The following TENM2 variants were observed in gnomAD, a reference collection of about 807,000 sequenced individuals.
TENM2 encodes the protein teneurin-2.
TENM2 carries 52 observed loss-of-function variants against 245.2 expected under a neutral mutation model. The observed-to-expected ratio is 0.21, with a 90% confidence interval of 0.17 to 0.27. The LOEUF is 0.27. TENM2 is among the 10% of genes least tolerant of loss of function. TENM2 has a pLI of 1.00. For missense variants in TENM2, 3,046 were observed against 3,666.8 expected (o/e 0.83, Z 4.37); for synonymous variants, 1,363 against 1,438.9 (o/e 0.95, Z 1.19).
chr5:167,516,369 A>C (rs1770379163), intron 2 of TENM2, among the ~76,000 whole-genome samples: 1 of 152,184 alleles, frequency 6.6e-6, no homozygotes, highest in South Asian at 2.1e-4. Flanking sequence ...TAGGTTTCAC[A>C]GAAGGTTTCT....
At chr5:167,955,225 G>T (rs1432099486) in intron 4 of TENM2, among the ~76,000 whole-genome samples, 1 of 152,136 alleles carries the variant, frequency 6.6e-6, no homozygotes, top group Non-Finnish European at 1.5e-5. Context: ...CAGTGATAAT[G>T]AGCTTTTTTT....
Position 167,532,826 on chromosome 5 carries a change from G to GTATATATATATA in TENM2, c.502+157361_502+157372dup, listed in dbSNP as rs148505748. ...TATTTGTGTGTATGTGTGTGTGTGT[G>GTATATATATATA]TATATATATATATATATATGCTATC... is the stretch of plus-strand genomic sequence containing the variant. On this transcript the variant is annotated intron_variant, in intron 2 of 28. Coordinates refer to ENST00000518659, the Ensembl canonical transcript of TENM2. 9.8e-3 allele frequency among the ~76,000 whole-genome samples: 1,417 copies of GTATATATATATA among 144,482 alleles called. 25 individuals carry two copies. Among genetic ancestry groups the GTATATATATATA allele is most frequent in the African/African-American group, 0.03 (1,169 of 38,596 alleles). The allele number at this position is 144,482 out of a possible 152,430, so 94.8% of individuals were successfully genotyped here. A position where few individuals can be genotyped will look rare whatever the true frequency, so the allele number is the denominator to read the frequency against.
chr5:167,169,276 C>T, the TENM2 span, among the ~76,000 whole-genome samples: 14 of 152,146 alleles, frequency 9.2e-5, no homozygotes, highest in South Asian at 1.9e-3. Flanking sequence ...TGGATGTTTT[C>T]GTTGTCTCAT....
intron 2 of TENM2, among the ~76,000 whole-genome samples, chr5:167,641,167 T>C (rs1231906081): frequency 6.6e-6 from 1 of 151,882 alleles, no homozygotes; most frequent in Admixed American, 6.6e-5. Flanking sequence ...CCTTACTGTG[T>C]CCATGCATGT....
chr5:167,861,862 C>T (rs939647776), intron 2 of TENM2, among the ~76,000 whole-genome samples: 1 of 152,240 alleles, frequency 6.6e-6, no homozygotes, highest in Non-Finnish European at 1.5e-5. Context: ...ACAGGGCTTA[C>T]TCTTGCCAAA....
At chr5:167,214,957 A>G in the TENM2 span, among the ~76,000 whole-genome samples, 3 of 152,074 alleles carry the variant, frequency 2.0e-5, no homozygotes, top group Non-Finnish European at 4.4e-5. Flanking sequence ...TTGATTACCT[A>G]CCATCCCTTC....
chr5:167,705,987 ATATATTTATTTATT>A (rs1459383920), intron 2 of TENM2, among the ~76,000 whole-genome samples: 3,784 of 91,494 alleles, frequency 0.041, 161 homozygotes, highest in African/African-American at 0.17. Flanking sequence ...ATATATATAT[ATATATTTATTTATT>A]TATTTATTTA....
the TENM2 span, among the ~76,000 whole-genome samples, chr5:167,005,088 T>C: frequency 6.6e-6 from 1 of 152,208 alleles, no homozygotes; most frequent in Non-Finnish European, 1.5e-5. Flanking sequence ...AAAAGGACTT[T>C]TCCCCCCCAT....
At chr5:167,646,574 G>T (rs984799782) in intron 2 of TENM2, among the ~76,000 whole-genome samples, 1 of 151,808 alleles carries the variant, frequency 6.6e-6, no homozygotes, top group African/African-American at 2.4e-5. Flanking sequence ...TCTTGGTGGC[G>T]ATCCTGCTTT....
At chr5:167,454,119 A>T (rs574701961) in intron 2 of TENM2, among the ~76,000 whole-genome samples, 2 of 152,278 alleles carry the variant, frequency 1.3e-5, no homozygotes, top group South Asian at 4.1e-4. Flanking sequence ...GGAGATCACC[A>T]AGAAAGGTAT....
At chr5:167,564,334 G>A (rs1360765540) in intron 2 of TENM2, among the ~76,000 whole-genome samples, 1 of 152,148 alleles carries the variant, frequency 6.6e-6, no homozygotes, top group Non-Finnish European at 1.5e-5. Context: ...GCTGAAAAGA[G>A]AAAAGTGAGG....
intron 2 of TENM2, among the ~76,000 whole-genome samples, chr5:167,608,127 CT>C (rs1193537013): frequency 1.3e-5 from 2 of 152,114 alleles, no homozygotes; most frequent in African/African-American, 4.8e-5. Context: ...CAATGTCGCG[CT>C]AATGCTTAAT....
At chr5:167,851,971 C>T (rs939454884) in intron 2 of TENM2, among the ~76,000 whole-genome samples, 1 of 152,070 alleles carries the variant, frequency 6.6e-6, no homozygotes, top group Non-Finnish European at 1.5e-5. Flanking sequence ...TATGTCTGTA[C>T]TATAGATGAA....
At chr5:167,641,885 G>A (rs1779635020) in intron 2 of TENM2, among the ~76,000 whole-genome samples, 1 of 152,148 alleles carries the variant, frequency 6.6e-6, no homozygotes. Flanking sequence ...GCTCATGCCT[G>A]TAATCCTAGC....
Position 167,435,965 on chromosome 5 carries a change from CTTTTTTTTTCT to C in TENM2, c.502+60502_502+60512del, listed in dbSNP as rs1381081651. 8.1e-3 allele frequency among the ~76,000 whole-genome samples: 1,026 copies of C among 125,966 alleles called. 4 individuals carry two copies. Among genetic ancestry groups the C allele is most frequent in the African/African-American group, 0.03 (957 of 31,898 alleles). The allele number at this position is 125,966 out of a possible 152,430, so 82.6% of individuals were successfully genotyped here. On this transcript the variant is annotated intron_variant, in intron 2 of 28. Coordinates refer to ENST00000518659, the Ensembl canonical transcript of TENM2. ...TACCTGGTAGAAGAAATTTCTTTTTCTTTTTTTTTCTTTTTTTTTTTTTTTTTTTTGAGACA... is the reference window on the plus strand; with the variant it reads ...TACCTGGTAGAAGAAATTTCTTTTTCTTTTTTTTTTTTTTTTTTTGAGACA...
chr5:167,860,065 G>C (rs1771596580), intron 2 of TENM2, among the ~76,000 whole-genome samples: 1 of 86,466 alleles, frequency 1.2e-5, no homozygotes, highest in Non-Finnish European at 2.6e-5. Flanking sequence ...GGTGGGGGGG[G>C]GTCAGCCCCC....
intron 4 of TENM2, among the ~76,000 whole-genome samples, chr5:167,972,753 G>T (rs1406966221): frequency 2.0e-5 from 3 of 152,056 alleles, no homozygotes; most frequent in Non-Finnish European, 4.4e-5. Flanking sequence ...GAAGTTTATG[G>T]TGTTAGATTT....
chr5:168,209,210 T>TGG (rs1375226253), intron 19 of TENM2, among the ~76,000 whole-genome samples: 2 of 152,250 alleles, frequency 1.3e-5, no homozygotes, highest in Non-Finnish European at 2.9e-5. Context: ...GTTATAAAAT[T>TGG]GGGGAAAATC....
chr5:167,327,978 G>C (rs1384767440), intron 1 of TENM2, among the ~76,000 whole-genome samples: 1 of 152,162 alleles, frequency 6.6e-6, no homozygotes, highest in Admixed American at 6.5e-5. Context: ...GGCTAAGATA[G>C]TGAGAGTGCA....
Sources: allele counts gnomAD v4.1 joint callset (sites outside exome capture counted in the v4.1 genomes callset), GRCh38; gene constraint gnomAD v4.1.1; transcripts MANE v1.5; gene names NCBI Gene and HGNC (gene_info 2026-07-23, HGNC 2026-07-21).